UBR2: variants seen among roughly 807,000 people sequenced by gnomAD.
The protein encoded by UBR2 is E3 ubiquitin-protein ligase UBR2.
Under a neutral mutation model 247.9 loss-of-function variants are expected in UBR2, and 92 were observed. The ratio of observed to expected loss-of-function variants is 0.37; its 90% CI spans 0.31 to 0.44. UBR2 has a LOEUF of 0.44. UBR2 is among the 20% of genes least tolerant of loss of function. The probability of loss-of-function intolerance (pLI) is 1.00; values close to 1 mark genes in which losing one functional copy is unlikely to be tolerated. For missense variants in UBR2, 1,613 were observed against 2,112.6 expected (o/e 0.76, Z 4.64); for synonymous variants, 672 against 693.5 (o/e 0.97, Z 0.49).
intron 42 of UBR2, among the ~76,000 whole-genome samples, chr6:42,680,130 CA>C (rs1798951008): frequency 6.6e-6 from 1 of 152,106 alleles, no homozygotes; most frequent in East Asian, 1.9e-4. Context: ...CTCGGCCTCC[CA>C]AGTAGCTGGG....
chr6:42,661,895 GA>G (rs1797835415), intron 30 of UBR2, among the ~76,000 whole-genome samples: 1 of 152,216 alleles, frequency 6.6e-6, no homozygotes, highest in African/African-American at 2.4e-5. Context: ...TCAGCACCCT[GA>G]AAGTGTGAAA....
At chr6:42,604,914 C>A (rs888623757) in intron 5 of UBR2, among the ~76,000 whole-genome samples, 10 of 151,880 alleles carry the variant, frequency 6.6e-5, no homozygotes, top group Non-Finnish European at 1.2e-4. Context: ...GTAGTCCTAG[C>A]TATTCATGAG....
At chr6:42,613,634 T>G (rs1042856841) in intron 8 of UBR2, among the ~76,000 whole-genome samples, 1 of 152,160 alleles carries the variant, frequency 6.6e-6, no homozygotes, top group African/African-American at 2.4e-5. Flanking sequence ...ATTTTGGTGT[T>G]TTCCATTGGA....
At chr6:42,586,705 T>C (rs1792302780) in intron 2 of UBR2, among the ~76,000 whole-genome samples, 1 of 152,002 alleles carries the variant, frequency 6.6e-6, no homozygotes, top group Non-Finnish European at 1.5e-5. Flanking sequence ...ATATGCATCT[T>C]TAATTTATCA....
chr6:42,668,190 C>CTCTTATTT (rs1199722804), intron 34 of UBR2, among the ~76,000 whole-genome samples: 1 of 152,132 alleles, frequency 6.6e-6, no homozygotes, highest in Non-Finnish European at 1.5e-5. Flanking sequence ...GGCCCTGCTC[C>CTCTTATTT]TCTTATTTTC....
chr6:42,691,837 A>G lies in UBR2; in HGVS notation c.*664A>G, dbSNP rs1265122338. The G allele has an allele frequency of 2.0e-5, 3 of 148,156 alleles. No homozygotes were observed. Among genetic ancestry groups the G allele is most frequent in the African/African-American group, 7.5e-5 (3 of 40,006 alleles). 9.2% of individuals were successfully genotyped at this position (148,156 alleles called of 1,614,324 possible). On this transcript the variant is annotated 3_prime_UTR_variant, in exon 47 of 47. Coordinates refer to ENST00000372901, the MANE Select transcript of UBR2 (RefSeq NM_001363705.2). ...AAGACTTTTGGCTTTGAGAAAACTC[A>G]CTTAGAGGGCTTTCCAAAAACTTAG...
intron 11 of UBR2, among the ~76,000 whole-genome samples, chr6:42,631,641 C>G (rs1385397255): frequency 6.6e-6 from 1 of 151,544 alleles, no homozygotes; most frequent in African/African-American, 2.4e-5. Context: ...TAAATAAAAT[C>G]TGATACAAAA....
At chr6:42,603,108 C>A (rs183943503) in intron 4 of UBR2, among the ~76,000 whole-genome samples, 2 of 152,270 alleles carry the variant, frequency 1.3e-5, no homozygotes, top group South Asian at 2.1e-4. Context: ...GTGCTTCTTA[C>A]AACATCAGTG....
chr6:42,638,430 T>C (rs1284534791), intron 15 of UBR2, among the ~76,000 whole-genome samples: 1 of 152,192 alleles, frequency 6.6e-6, no homozygotes, highest in Non-Finnish European at 1.5e-5. Flanking sequence ...GGGTATATTA[T>C]TGAAGTCATG....
intron 36 of UBR2, among the ~76,000 whole-genome samples, chr6:42,672,067 CTG>C (rs1200398819): frequency 6.6e-6 from 1 of 151,754 alleles, no homozygotes; most frequent in Non-Finnish European, 1.5e-5. Flanking sequence ...GAGTCTCACT[CTG>C]TTGCTCAGAC....
intron 25 of UBR2, among the ~76,000 whole-genome samples, chr6:42,653,722 TCTC>T (rs1478842579): frequency 6.7e-6 from 1 of 148,784 alleles, no homozygotes; most frequent in Non-Finnish European, 1.5e-5. Flanking sequence ...TTCAAGCAAT[TCTC>T]CTGCCTCAGC....
intron 2 of UBR2, among the ~76,000 whole-genome samples, chr6:42,578,972 AACACACACAC>A (rs35575176): frequency 1.3e-5 from 2 of 148,836 alleles, no homozygotes; most frequent in African/African-American, 5.0e-5. Flanking sequence ...CACACACACA[AACACACACAC>A]ACACACACAC....
At chr6:42,573,054 A>AG (rs1393777624) in intron 1 of UBR2, among the ~76,000 whole-genome samples, 1 of 152,040 alleles carries the variant, frequency 6.6e-6, no homozygotes. Flanking sequence ...TGGAGCATGG[A>AG]GGGGAGATCA....
chr6:42,641,394 GC>G (rs1329804763), intron 16 of UBR2, among the ~76,000 whole-genome samples, 187 bp from the exon 17 acceptor site: 2 of 152,020 alleles, frequency 1.3e-5, no homozygotes, highest in African/African-American at 4.8e-5. Context: ...AACCTGGGAG[GC>G]CGAGATCGCA....
At position 42,632,903 on chromosome 6, in the gene UBR2, A is replaced by C; in HGVS notation, c.1544A>C (p.Gln515Pro). 6.5e-7 allele frequency: 1 copy of C among 1,529,516 alleles called. No homozygotes were observed. 94.7% of individuals were successfully genotyped at this position (1,529,516 alleles called of 1,614,324 possible). ...TTTTTGGAATTACTAAAATGTATGC[A>C]GGTATGTAAAAACTGTTACACTTTT... Reference protein sequence around the residue: ...DAFLELLKCMQGMDPITRQVG... With the variant: ...DAFLELLKCMPGMDPITRQVG... Residue 515 changes from glutamine to proline, a missense_variant and splice_region_variant, in exon 13 of 47, where the codon CAG (glutamine) becomes CCG (proline). Transcript: ENST00000372901.
chr6:42,622,368 G>A (rs116433839), intron 11 of UBR2, among the ~76,000 whole-genome samples: 1 of 148,742 alleles, frequency 6.7e-6, no homozygotes, highest in Admixed American at 6.7e-5. Context: ...TTTGGTTTTG[G>A]GGGGAGGGGA....
At chr6:42,639,409 A>G (rs1474879307) in intron 15 of UBR2, among the ~76,000 whole-genome samples, 2 of 152,200 alleles carry the variant, frequency 1.3e-5, no homozygotes, top group Non-Finnish European at 2.9e-5. Context: ...CCTGGCCAAC[A>G]TGGCAAAACC....
intron 11 of UBR2, among the ~76,000 whole-genome samples, chr6:42,624,834 T>G (rs535471809): frequency 6.6e-6 from 1 of 152,238 alleles, no homozygotes; most frequent in East Asian, 1.9e-4. Context: ...TCTATAGGAG[T>G]AATTGTGGAA....
intron 44 of UBR2, 123 bp downstream of exon 44, chr6:42,684,994 A>T: frequency 4.0e-6 from 3 of 748,110 alleles, no homozygotes; most frequent in Non-Finnish European, 4.1e-6. Flanking sequence ...GTCCTTTATG[A>T]GAGGAGAGGG....
Sources: allele counts gnomAD v4.1 joint callset (sites outside exome capture counted in the v4.1 genomes callset), GRCh38; gene constraint gnomAD v4.1.1; transcripts MANE v1.5; gene names NCBI Gene and HGNC (gene_info 2026-07-23, HGNC 2026-07-21).